Variants in ANO3 observed in about 807,000 individuals in gnomAD.
ANO3 encodes the protein anoctamin 3.
Under a neutral mutation model 144.8 loss-of-function variants are expected in ANO3, and 99 were observed. The observed-to-expected ratio is 0.68, with a 90% CI of 0.58 to 0.81. ANO3 has a LOEUF of 0.81. Ranked by LOEUF, ANO3 falls within the 30% of genes least tolerant of loss-of-function variation. ANO3 has a pLI of 0.00. For synonymous variants in ANO3, 414 were observed against 392.6 expected (o/e 1.05, Z -0.64); for missense variants, 905 against 1,202.2 (o/e 0.75, Z 3.66).
chr11:26,332,127 C>G, upstream of ANO3: 1 of 1,505,604 alleles, frequency 6.6e-7, no homozygotes, highest in South Asian at 1.3e-5. Flanking sequence ...GGGCGCGTAG[C>G]CTGGAGAGCG....
chr11:26,510,216 C>A (rs1861611646), intron 5 of ANO3, among the ~76,000 whole-genome samples: 1 of 148,494 alleles, frequency 6.7e-6, no homozygotes, highest in Non-Finnish European at 1.5e-5. Flanking sequence ...TATGAAATAA[C>A]AAACACATCA....
chr11:26,327,322 T>C (rs1263035222), upstream of ANO3, among the ~76,000 whole-genome samples: 1 of 152,180 alleles, frequency 6.6e-6, no homozygotes, highest in Non-Finnish European at 1.5e-5. Context: ...GTATAATGCA[T>C]GGTAGAAACA....
At chr11:26,315,229 C>T (rs956059337) in intron 1 of ANO3, among the ~76,000 whole-genome samples, 8 of 152,066 alleles carry the variant, frequency 5.3e-5, no homozygotes, top group African/African-American at 1.4e-4. Flanking sequence ...ATTATCAGTC[C>T]ATAAAAATCC....
chr11:26,196,146 T>C (rs1384849327), intron 1 of ANO3, among the ~76,000 whole-genome samples: 1 of 152,144 alleles, frequency 6.6e-6, no homozygotes, highest in Non-Finnish European at 1.5e-5. Context: ...TCTAGTTAAT[T>C]CCTGCAACTA....
chr11:26,505,557 G>A (rs1302550335), intron 4 of ANO3, among the ~76,000 whole-genome samples: 1 of 152,160 alleles, frequency 6.6e-6, no homozygotes, highest in Non-Finnish European at 1.5e-5. Flanking sequence ...CAAATCAGAG[G>A]AAGAGAGAAC....
chr11:26,350,168 A>G (rs1008290488), intron 1 of ANO3, among the ~76,000 whole-genome samples: 2 of 152,016 alleles, frequency 1.3e-5, no homozygotes, highest in African/African-American at 4.8e-5. Flanking sequence ...GATACCAGGA[A>G]CTCAATTTCC....
intron 1 of ANO3, among the ~76,000 whole-genome samples, chr11:26,195,992 G>A (rs955755216): frequency 6.6e-6 from 1 of 152,050 alleles, no homozygotes; most frequent in Non-Finnish European, 1.5e-5. Context: ...TTTTTCCATT[G>A]TTCTGCCTAT....
At chr11:26,315,580 G>A (rs1212437725) in intron 1 of ANO3, among the ~76,000 whole-genome samples, 2 of 151,548 alleles carry the variant, frequency 1.3e-5, no homozygotes, top group African/African-American at 4.8e-5. Context: ...TTGACAAGTG[G>A]GAATAAAGTT....
chr11:26,212,269 A>G (rs902388033), intron 1 of ANO3, among the ~76,000 whole-genome samples: 1 of 151,912 alleles, frequency 6.6e-6, no homozygotes, highest in African/African-American at 2.4e-5. Flanking sequence ...CTACCAGGAG[A>G]CAGGAAATAA....
At chr11:26,386,821 A>C (rs773447692) in intron 1 of ANO3, among the ~76,000 whole-genome samples, 28 of 152,318 alleles carry the variant, frequency 1.8e-4, no homozygotes, top group Middle Eastern at 6.8e-3. Flanking sequence ...AAATTTTCTT[A>C]AAAAAGAACA....
intron 17 of ANO3, among the ~76,000 whole-genome samples, chr11:26,602,473 T>A (rs2132939707): frequency 6.6e-6 from 1 of 152,094 alleles, no homozygotes; most frequent in Non-Finnish European, 1.5e-5. Flanking sequence ...ATGCCTGCAA[T>A]CCCAACACTT....
chr11:26,385,908 T>TATATATATATATATATACAC (rs1310559300), intron 1 of ANO3, among the ~76,000 whole-genome samples: 13 of 149,456 alleles, frequency 8.7e-5, no homozygotes, highest in East Asian at 8.0e-4. Context: ...TATATTTATA[T>TATATATATATATATATACAC]ACATATTTAC....
intron 11 of ANO3, among the ~76,000 whole-genome samples, chr11:26,544,910 A>G (rs388936): frequency 0.66 from 99,916 of 151,660 alleles, 33,195 homozygotes; most frequent in East Asian, 0.83. Context: ...AGTGGCTAAG[A>G]GAAGGAGTCT....
chr11:26,269,058 A>G (rs140544157), intron 1 of ANO3, among the ~76,000 whole-genome samples: 4 of 152,134 alleles, frequency 2.6e-5, no homozygotes, highest in Non-Finnish European at 4.4e-5. Flanking sequence ...GTGATCCCCC[A>G]GGCCCAACCA....
chr11:26,410,824 A>G (rs1857410405), intron 1 of ANO3, among the ~76,000 whole-genome samples: 1 of 152,008 alleles, frequency 6.6e-6, no homozygotes, highest in African/African-American at 2.4e-5. Flanking sequence ...CAGAGGAATG[A>G]CATGCCATCC....
chr11:26,630,006 T>C (rs1352265295), intron 18 of ANO3, among the ~76,000 whole-genome samples: 1 of 152,192 alleles, frequency 6.6e-6, no homozygotes, highest in East Asian at 1.9e-4. Flanking sequence ...TTACTTGCGC[T>C]GTCCTTGAAG....
intron 1 of ANO3, among the ~76,000 whole-genome samples, chr11:26,291,784 A>G (rs541792598): frequency 6.6e-6 from 1 of 152,288 alleles, no homozygotes; most frequent in South Asian, 2.1e-4. Flanking sequence ...ATCTGCTGTT[A>G]GTCTGATGGG....
chr11:26,613,224 A>C (rs1852152122), intron 17 of ANO3, among the ~76,000 whole-genome samples: 1 of 152,122 alleles, frequency 6.6e-6, no homozygotes, highest in African/African-American at 2.4e-5. Context: ...GTTATTTTAA[A>C]AGATCTGTAT....
chr11:26,571,377 T>G (rs1850819877), intron 14 of ANO3, among the ~76,000 whole-genome samples: 1 of 152,206 alleles, frequency 6.6e-6, no homozygotes, highest in Middle Eastern at 3.4e-3. Context: ...TTTAAGAAAT[T>G]TTACCACATT....
Sources: allele counts gnomAD v4.1 joint callset (sites outside exome capture counted in the v4.1 genomes callset), GRCh38; gene constraint gnomAD v4.1.1; transcripts MANE v1.5; gene names NCBI Gene and HGNC (gene_info 2026-07-23, HGNC 2026-07-21).